PTGR1: variants seen among roughly 807,000 people sequenced by gnomAD.
PTGR1 encodes prostaglandin reductase 1, also known as 15-oxoprostaglandin 13-reductase.
Under a neutral mutation model 37.7 loss-of-function variants are expected in PTGR1, and 23 were observed. That is an observed-to-expected ratio of 0.61 (90% CI 0.44 to 0.86). The LOEUF (loss-of-function observed/expected upper bound fraction) is 0.86, where lower values mean the gene tolerates loss of function less well. Ranked by LOEUF, PTGR1 falls within the 40% of genes least tolerant of loss-of-function variation. The pLI, the probability that PTGR1 is intolerant of heterozygous loss-of-function variation, is 0.00. For missense variants in PTGR1, 351 were observed against 394.3 expected (o/e 0.89, Z 0.93); for synonymous variants, 134 against 140.0 (o/e 0.96, Z 0.30).
At chr9:111,560,488 AAG>A (rs1554816246), downstream of PTGR1, among the ~76,000 whole-genome samples, 3 of 147,368 alleles carry the variant, frequency 2.0e-5, no homozygotes, top group Non-Finnish European at 3.0e-5. Flanking sequence ...AAAAAAAAAA[AAG>A]ATCAGCCGGG....
chr9:111,567,242 C>T (rs559880870), intron 9 of PTGR1, among the ~76,000 whole-genome samples: 12 of 152,260 alleles, frequency 7.9e-5, no homozygotes, highest in African/African-American at 2.4e-4. Flanking sequence ...TGCTGGAGTG[C>T]AGTGGCACGA....
At chr9:111,564,300 T>C in intron 9 of PTGR1, 1 of 627,454 alleles carries the variant, frequency 1.6e-6, no homozygotes, top group Non-Finnish European at 2.1e-6. Flanking sequence ...TTATTATTAT[T>C]ATTATTATTA....
In PTGR1 at chr9:111,570,198, C is replaced by T; in HGVS notation, c.772G>A (p.Glu258Lys). Reference sequence around the variant, plus strand: ...CGAAGCTCCTGATAGATAACAATCTCTGGGGGTGGGCCTGTGAAGAGAAGG... The same window carrying T: ...CGAAGCTCCTGATAGATAACAATCTTTGGGGGTGGGCCTGTGAAGAGAAGG... The part of the protein sequence containing the change: ...TGPLPPGPPP[E>K]IVIYQELRME... The change falls in exon 9 of 10, where the codon GAG becomes AAG. Residue 258 changes from glutamate (E) to lysine (K), a missense_variant. By Grantham distance (56) the Glu-to-Lys change is moderately conservative. Transcript: ENST00000407693. 2 of 1,613,646 alleles carry T rather than the reference C, an allele frequency of 1.2e-6. No individual in the cohort carries two copies. Among genetic ancestry groups the T allele is most frequent in the Non-Finnish European group, 1.7e-6 (2 of 1,179,836 alleles).
At chr9:111,576,247 A>G (rs944799507) in intron 7 of PTGR1, 1 of 978,538 alleles carries the variant, frequency 1.0e-6, no homozygotes, top group South Asian at 1.5e-5. Flanking sequence ...TTTGCAAGCC[A>G]TATAGAGTTG....
At chr9:111,594,450 T>G (rs989428786) in intron 2 of PTGR1, among the ~76,000 whole-genome samples, 183 bp from the exon 3 acceptor site, 1 of 151,904 alleles carries the variant, frequency 6.6e-6, no homozygotes, top group Middle Eastern at 3.2e-3. Context: ...CCACATGCAA[T>G]TTACCCATAT....
At chr9:111,592,711 G>T in intron 4 of PTGR1, 1 of 557,234 alleles carries the variant, frequency 1.8e-6, no homozygotes, top group Non-Finnish European at 2.9e-6. Context: ...AGTAAGGATG[G>T]CAAAGTGAAG....
At chr9:111,556,100 G>A (rs1170698663) in intron 9 of PTGR1, among the ~76,000 whole-genome samples, 2 of 152,152 alleles carry the variant, frequency 1.3e-5, no homozygotes, top group South Asian at 4.1e-4. Context: ...CCATTCCAAG[G>A]AGGAGAGATT....
intron 7 of PTGR1, 44 bp downstream of exon 7, chr9:111,578,752 G>C (rs769346454): frequency 6.5e-7 from 1 of 1,539,510 alleles, no homozygotes; most frequent in Admixed American, 1.9e-5. Flanking sequence ...GCTTTATATA[G>C]TACTTCCATA....
At chr9:111,554,986 T>C (rs1253102422) in intron 9 of PTGR1, among the ~76,000 whole-genome samples, 1 of 152,106 alleles carries the variant, frequency 6.6e-6, no homozygotes, top group Non-Finnish European at 1.5e-5. Flanking sequence ...TCTCCAGAGG[T>C]CTGCTCTTTA....
downstream of PTGR1, among the ~76,000 whole-genome samples, chr9:111,557,966 G>A (rs762580674): frequency 1.5e-3 from 231 of 152,274 alleles, no homozygotes; most frequent in Non-Finnish European, 2.8e-3. Flanking sequence ...GGCCAAAATA[G>A]TGAAACTCTG....
chr9:111,584,059 C>T (rs1829359707), intron 5 of PTGR1, among the ~76,000 whole-genome samples: 1 of 152,192 alleles, frequency 6.6e-6, no homozygotes, highest in Admixed American at 6.5e-5. Flanking sequence ...CTTTCCATGG[C>T]TCCAAAGTGG....
downstream of PTGR1, among the ~76,000 whole-genome samples, chr9:111,559,840 T>C (rs576565740): frequency 6.6e-6 from 1 of 152,196 alleles, no homozygotes; most frequent in East Asian, 1.9e-4. Context: ...GGGCAGTGAC[T>C]TTTTTTTCTC....
chr9:111,587,633 G>T (rs1331629132), intron 4 of PTGR1, among the ~76,000 whole-genome samples: 1 of 151,936 alleles, frequency 6.6e-6, no homozygotes, highest in African/African-American at 2.4e-5. Context: ...TGTATTTTTA[G>T]TAGAGACGGG....
At chr9:111,564,985 G>A (rs776716203) in intron 9 of PTGR1, among the ~76,000 whole-genome samples, 7 of 152,024 alleles carry the variant, frequency 4.6e-5, no homozygotes, top group African/African-American at 1.4e-4. Context: ...TTAGCCAGGC[G>A]TGGTGGCGTG....
downstream of PTGR1, among the ~76,000 whole-genome samples, chr9:111,562,005 C>G (rs1828339137): frequency 6.6e-6 from 1 of 151,496 alleles, no homozygotes; most frequent in Non-Finnish European, 1.5e-5. Context: ...CCTGCCTCAG[C>G]CTCTTGAGTA....
chr9:111,592,771 A>T, intron 4 of PTGR1, 155 bp downstream of exon 4: 1 of 1,024,044 alleles, frequency 9.8e-7, no homozygotes, highest in Non-Finnish European at 1.4e-6. Context: ...GCTAGTTAGG[A>T]AGGAGACAGA....
intron 8 of PTGR1, chr9:111,574,103 G>A (rs1828952072): frequency 6.6e-6 from 1 of 152,158 alleles, no homozygotes; most frequent in Non-Finnish European, 1.5e-5. Context: ...CGCACCTCCA[G>A]CAATGTCTCT....
intron 7 of PTGR1, among the ~76,000 whole-genome samples, chr9:111,576,211 G>A (rs1319052731): frequency 6.6e-6 from 1 of 151,754 alleles, no homozygotes; most frequent in Non-Finnish European, 1.5e-5. Context: ...GAAGGTTAAA[G>A]GCAATTCACT....
rs971413456 is a variant in PTGR1, at chr9:111,563,095, C to T, written c.*26G>A. ...ACAAATTAACTAATCATCTAAATGG[C>T]CTCCAGATTCCATGTGTCCTCTTTT... is the stretch of plus-strand genomic sequence containing the variant. On this transcript the variant is annotated 3_prime_UTR_variant, in exon 10 of 10. Coordinates refer to ENST00000407693, the MANE Select transcript of PTGR1 (RefSeq NM_001146108.2). The T allele has an allele frequency of 5.6e-6, 9 of 1,608,728 alleles. No individual in the cohort carries two copies. Among genetic ancestry groups the T allele is most frequent in the Non-Finnish European group, 5.1e-6 (6 of 1,178,162 alleles).
Sources: gnomAD v4.1 joint callset for allele counts (sites outside exome capture counted in the v4.1 genomes callset) on GRCh38, gnomAD v4.1.1 for gene constraint, MANE v1.5 for transcripts, NCBI Gene and HGNC (gene_info 2026-07-23, HGNC 2026-07-21) for gene names.